The following BRPF1 variants were observed in gnomAD, a reference collection of about 807,000 sequenced individuals.
The protein encoded by BRPF1 is bromodomain and PHD finger containing 1, also known as peregrin.
A neutral mutation model predicts 115.0 loss-of-function variants in BRPF1; 15 were observed. The ratio of observed to expected loss-of-function variants is 0.13; its 90% CI spans 0.09 to 0.20. The LOEUF (loss-of-function observed/expected upper bound fraction) is 0.20. Among genes scored for constraint, BRPF1 ranks in the 10% least tolerant of loss-of-function variants. The pLI is 1.00. For missense variants in BRPF1, 1,118 were observed against 1,638.3 expected, an observed-to-expected ratio of 0.68 and a Z score of 5.48; for synonymous variants, 647 against 619.8, an observed-to-expected ratio of 1.04 and a Z score of -0.65.
Position 9,743,415 on chromosome 3 carries a change from T to C in BRPF1, c.2311+162T>C. On this transcript the variant is annotated intron_variant, in intron 7 of 13. Coordinates refer to ENST00000383829, the MANE Select transcript of BRPF1 (RefSeq NM_001003694.2). This position sits in a 1 kb window ranked among gnomAD's most constrained non-coding sequence, Gnocchi z 6.1. ...TCCCCAAGAAGCCAGACTGGGTGAA[T>C]GGATAGCAGTGCCCGCCATTCCACA... 1.7e-6 allele frequency: 2 copies of C among 1,193,306 alleles called. No individual in the cohort carries two copies. The highest frequency in any genetic ancestry group is 2.3e-6 in the Non-Finnish European group (2 of 858,526). The allele number at this position is 1,193,306 out of a possible 1,614,324, so 73.9% of individuals were successfully genotyped here. A position where few individuals can be genotyped will look rare whatever the true frequency, so the allele number is the denominator to read the frequency against.
intron 2 of BRPF1, among the ~76,000 whole-genome samples, chr3:9,737,873 A>G (rs1039500838): frequency 1.3e-5 from 2 of 152,184 alleles, no homozygotes; most frequent in African/African-American, 4.8e-5. Context: ...TTTGTGGCCT[A>G]TTCATTTTTA....
At chr3:9,736,118 A>G (rs149021653) in intron 2 of BRPF1, among the ~76,000 whole-genome samples, 30 of 140,548 alleles carry the variant, frequency 2.1e-4, no homozygotes, top group African/African-American at 8.0e-4. Context: ...AGCAATTCTC[A>G]CGCCTCAGCC....
At chr3:9,738,199 C>G (rs1026650877) in intron 2 of BRPF1, among the ~76,000 whole-genome samples, 1 of 152,134 alleles carries the variant, frequency 6.6e-6, no homozygotes, top group Admixed American at 6.6e-5. Context: ...ATTAAGAGCA[C>G]TGGGCTGGAG....
rs1054764752 is a variant in BRPF1 at position 9,745,831 on chromosome 3, C to G, written c.3225C>G (p.Gly1075=). 6 of 1,613,826 alleles carry G rather than the reference C, an allele frequency of 3.7e-6. No homozygotes were observed. The African/African-American group carries it at 5.3e-5, about 14-fold the overall frequency. ...GTGAAGTGGTAAGGAAGAGTCTGGG[C>G]CGGGGAGCTGGCTGGCTGTCAGAGG... ...VGHSMVRKSL[G]RGAGWLSEDE... The change falls in exon 12 of 14, where the codon GGC becomes GGG. Residue 1075 remains glycine (G), a synonymous_variant. Coordinates refer to ENST00000383829, the MANE Select transcript of BRPF1 (RefSeq NM_001003694.2). The surrounding 1 kb of genome is among the most constrained non-coding windows in gnomAD (Gnocchi z 5.1).
Position 9,743,131 on chromosome 3 carries a change from A to C in BRPF1, c.2189A>C (p.Gln730Pro). The stretch of plus-strand genomic sequence containing the variant: ...CGGGCAGCAGTGCGGCTTCGTGAGC[A>C]GGGTGGTGCTGTGCTCCGCCAGGCC... ...FYRAAVRLRE[Q>P]GGAVLRQARR... is the part of the protein sequence containing the mutation. The change falls in exon 7 of 14, where the codon CAG (glutamine) becomes CCG (proline). Residue 730 changes from glutamine to proline, a missense_variant. Gln to Pro is a moderately conservative substitution (Grantham distance 76). Transcript: ENST00000383829. The surrounding 1 kb of genome is among the most constrained non-coding windows in gnomAD (Gnocchi z 6.1). 6.2e-7 allele frequency: 1 copy of C among 1,614,254 alleles called. No homozygotes were observed. Among genetic ancestry groups the C allele is most frequent in the Non-Finnish European group, 8.5e-7 (1 of 1,180,044 alleles).
At chr3:9,744,160 T>C (rs933781046) in intron 8 of BRPF1, 64 bp from the exon 9 acceptor site, 20 of 1,488,644 alleles carry the variant, frequency 1.3e-5, no homozygotes, top group South Asian at 2.8e-5. Flanking sequence ...GGCATGACCC[T>C]GGATATCTAC....
In BRPF1 at chr3:9,734,100, A is replaced by T; in HGVS notation, c.-10-31A>T. 1.3e-6 allele frequency: 2 copies of T among 1,537,964 alleles called. No homozygotes were observed. Among genetic ancestry groups the T allele is most frequent in the Non-Finnish European group, 1.8e-6 (2 of 1,141,306 alleles). On this transcript the variant is annotated intron_variant, in intron 1 of 13. Transcript: ENST00000383829. This position sits in a 1 kb window ranked among gnomAD's most constrained non-coding sequence, Gnocchi z 5.7. ...TGCAAATGGCCAGGAACTCATCCCC[A>T]GCCTTATGTTAACTGATCTGTGTAT...
chr3:9,747,146 A>C lies in BRPF1; in HGVS notation c.3480-20A>C, dbSNP rs1315582316. ...TGTTCTCCCTGAGATGATTTATTTG[A>C]TCTTCACCTTATCCTATAGGCAGTG... is the stretch of plus-strand genomic sequence containing the variant. On this transcript the variant is annotated intron_variant, in intron 13 of 13. Transcript: ENST00000383829. This position sits in a 1 kb window ranked among gnomAD's most constrained non-coding sequence, Gnocchi z 5.6. 1.2e-6 allele frequency: 2 copies of C among 1,613,476 alleles called. No individual in the cohort carries two copies. Among genetic ancestry groups the C allele is most frequent in the African/African-American group, 1.3e-5 (1 of 74,972 alleles).
Position 9,745,422 on chromosome 3 carries a change from C to G in BRPF1, c.3069-151C>G. On this transcript the variant is annotated intron_variant, in intron 10 of 13. Transcript: ENST00000383829. This position sits in a 1 kb window ranked among gnomAD's most constrained non-coding sequence, Gnocchi z 5.1. ...CACCTCTGTTAGGTCATCAGCCTAG[C>G]CCCTGTGGGTGTTTGAATTTGAAAT... 1 of 1,018,468 alleles carries G rather than the reference C, an allele frequency of 9.8e-7. No homozygotes were observed. Among genetic ancestry groups the G allele is most frequent in the Non-Finnish European group, 1.5e-6 (1 of 688,746 alleles). The allele number at this position is 1,018,468 out of a possible 1,614,324, so 63.1% of individuals were successfully genotyped here. A position where few individuals can be genotyped will look rare whatever the true frequency, so the allele number is the denominator to read the frequency against.
At position 9,734,707 on chromosome 3, in the gene BRPF1, T is replaced by A; in HGVS notation, c.567T>A (p.Pro189=). 1.9e-6 allele frequency: 3 copies of A among 1,614,094 alleles called. No individual in the cohort carries two copies. The East Asian group carries it at 6.7e-5, about 36-fold the overall frequency. ...VVYRELEQDT[P]DAPPRPTSYY... ...ATCGGGAGCTGGAACAGGACACCCC[T>A]GATGCCCCACCCCGGCCAACTTCCT... The change falls in exon 2 of 14, where the codon CCT becomes CCA. Residue 189 remains proline (P), a synonymous_variant. Coordinates refer to ENST00000383829, the MANE Select transcript of BRPF1 (RefSeq NM_001003694.2). The surrounding 1 kb of genome is among the most constrained non-coding windows in gnomAD (Gnocchi z 5.7).
chr3:9,746,598 C>G, intron 13 of BRPF1, 144 bp downstream of exon 13: 2 of 1,027,578 alleles, frequency 1.9e-6, no homozygotes, highest in East Asian at 2.9e-5. Flanking sequence ...GTTTTTTGAG[C>G]GAAAGGGTTG....
At chr3:9,744,646 C>A in intron 9 of BRPF1, 138 bp downstream of exon 9, 1 of 682,944 alleles carries the variant, frequency 1.5e-6, no homozygotes, top group East Asian at 2.9e-5. Flanking sequence ...ACTCCACTCA[C>A]TCATCTTACA....
chr3:9,734,070 T>C lies in BRPF1; in HGVS notation c.-10-61T>C, dbSNP rs1445178976. On this transcript the variant is annotated intron_variant, in intron 1 of 13. Coordinates refer to ENST00000383829, the MANE Select transcript of BRPF1 (RefSeq NM_001003694.2). This position sits in a 1 kb window ranked among gnomAD's most constrained non-coding sequence, Gnocchi z 5.7. ...GGGGAGGGCTAGAAAGACTGGGGTC[T>C]CTGGTGCAAATGGCCAGGAACTCAT... The C allele has an allele frequency of 2.8e-5, 43 of 1,520,548 alleles. No individual in the cohort carries two copies. Among genetic ancestry groups the C allele is most frequent in the Non-Finnish European group, 3.7e-5 (42 of 1,136,346 alleles). The allele number at this position is 1,520,548 out of a possible 1,614,324, so 94.2% of individuals were successfully genotyped here.
chr3:9,741,520 C>T (rs1037503601), intron 5 of BRPF1, 81 bp downstream of exon 5: 1 of 1,400,824 alleles, frequency 7.1e-7, no homozygotes, highest in Non-Finnish European at 9.4e-7. Flanking sequence ...GCCTGTAGTC[C>T]CAGCTACTCG....
At chr3:9,744,882 C>G in intron 9 of BRPF1, 126 bp from the exon 10 acceptor site, 1 of 1,326,252 alleles carries the variant, frequency 7.5e-7, no homozygotes, top group Admixed American at 1.8e-5. Flanking sequence ...CTCTGCTGGC[C>G]AAGGTTGGAG....
At chr3:9,740,105 A>G in intron 3 of BRPF1, 147 bp downstream of exon 3, 2 of 1,380,342 alleles carry the variant, frequency 1.4e-6, no homozygotes, top group Non-Finnish European at 1.9e-6. Context: ...CAAAACAGAT[A>G]GTTGTCTTTA....
Position 9,734,303 on chromosome 3 carries a change from C to G in BRPF1, c.163C>G (p.Gln55Glu). The G allele has an allele frequency of 6.2e-7, 1 of 1,614,136 alleles. No homozygotes were observed. The highest frequency in any genetic ancestry group is 8.5e-7 in the Non-Finnish European group (1 of 1,180,018). ...CCACGACAACCCACCACCCCCACAA[C>G]AAACTCCACTCCGCAAGCACAAGAA... ...YDHDNPPPPQ[Q>E]TPLRKHKKKG... is the part of the protein sequence containing the mutation. Residue 55 changes from glutamine (Q) to glutamate (E), a missense_variant, in exon 2 of 14, where the codon CAA (glutamine) becomes GAA (glutamate). Gln to Glu is a conservative substitution (Grantham distance 29). Around this residue, in one of 10 missense-constraint regions of BRPF1, gnomAD observed 280 missense variants for 382.8 expected, o/e 0.73. Coordinates refer to ENST00000383829, the MANE Select transcript of BRPF1 (RefSeq NM_001003694.2). This position sits in a 1 kb window ranked among gnomAD's most constrained non-coding sequence, Gnocchi z 5.7.
intron 2 of BRPF1, among the ~76,000 whole-genome samples, chr3:9,736,198 G>A (rs1471122711): frequency 2.6e-5 from 4 of 151,778 alleles, no homozygotes; most frequent in Non-Finnish European, 5.9e-5. Context: ...AGTAGAGATG[G>A]GGTTTCACCA....
intron 5 of BRPF1, 52 bp downstream of exon 5, chr3:9,741,491 G>C: frequency 6.7e-7 from 1 of 1,492,070 alleles, no homozygotes; most frequent in Non-Finnish European, 8.9e-7. Flanking sequence ...CAAAAAATTA[G>C]CCAGGCATGG....
Sources: allele counts gnomAD v4.1 joint callset (sites outside exome capture counted in the v4.1 genomes callset), GRCh38; gene constraint gnomAD v4.1.1; regional missense constraint gnomAD v4.1.1; non-coding constraint Gnocchi (gnomAD v3.1); transcripts MANE v1.5; gene names NCBI Gene and HGNC (gene_info 2026-07-23, HGNC 2026-07-21).